The following RNF157 variants were observed in gnomAD, a reference collection of about 807,000 sequenced individuals.
RNF157 encodes the protein E3 ubiquitin ligase RNF157.
A neutral mutation model predicts 88.3 loss-of-function variants in RNF157; 55 were observed. The observed-to-expected ratio is 0.62, with a 90% CI of 0.50 to 0.78. The LOEUF (loss-of-function observed/expected upper bound fraction) is 0.78, where lower values mean the gene tolerates loss of function less well. Among genes scored for constraint, RNF157 ranks in the 30% least tolerant of loss-of-function variants. RNF157 has a pLI of 0.00. For synonymous variants in RNF157, 334 were observed against 341.2 expected, an observed-to-expected ratio of 0.98 and a Z score of 0.23; for missense variants, 788 against 860.8, an observed-to-expected ratio of 0.92 and a Z score of 1.06.
chr17:76,228,182 A>T (rs2070126752), intron 1 of RNF157, among the ~76,000 whole-genome samples: 1 of 151,950 alleles, frequency 6.6e-6, no homozygotes, highest in African/African-American at 2.4e-5. Context: ...TTAGATCTGG[A>T]CTCTTCTATT....
At chr17:76,222,994 C>CGTTCTCCT (rs936847057) in intron 1 of RNF157, among the ~76,000 whole-genome samples, 1 of 151,792 alleles carries the variant, frequency 6.6e-6, no homozygotes, top group African/African-American at 2.4e-5. Context: ...GGGTTCACGC[C>CGTTCTCCT]GTTCTCCTGC....
At chr17:76,184,188 C>CG (rs2069243714) in intron 2 of RNF157, among the ~76,000 whole-genome samples, 2 of 113,214 alleles carry the variant, frequency 1.8e-5, no homozygotes, top group African/African-American at 6.9e-5. Context: ...AAGACTCCAT[C>CG]TAAAAAAAAA....
chr17:76,203,431 C>T (rs1263924564), intron 2 of RNF157, among the ~76,000 whole-genome samples: 1 of 151,582 alleles, frequency 6.6e-6, no homozygotes, highest in East Asian at 1.9e-4. Flanking sequence ...ACCTTTACTG[C>T]CATAGAAGGA....
At chr17:76,145,723 T>G (rs923034137) in intron 18 of RNF157, among the ~76,000 whole-genome samples, 1 of 152,230 alleles carries the variant, frequency 6.6e-6, no homozygotes, top group Non-Finnish European at 1.5e-5. Flanking sequence ...TGGGCCTTGC[T>G]GAGCTATTTT....
At position 76,161,837 on chromosome 17, in the gene RNF157, G is replaced by A; in HGVS notation, c.952+6C>T. 1 of 1,613,640 alleles carries A rather than the reference G, an allele frequency of 6.2e-7. No individual in the cohort carries two copies. The highest frequency in any genetic ancestry group is 8.5e-7 in the Non-Finnish European group (1 of 1,179,660). ...CCACCAGTCCCCCTGCCGCTCTGGG[G>A]CTTACGCAGTCGGCAGATGGGGCAG... On this transcript the variant is annotated splice_donor_region_variant and intron_variant, in intron 10 of 18. Transcript: ENST00000269391. The surrounding 1 kb of genome is among the most constrained non-coding windows in gnomAD (Gnocchi z 4.6).
At chr17:76,226,861 C>T (rs532779583) in intron 1 of RNF157, 40 of 1,369,262 alleles carry the variant, frequency 2.9e-5, no homozygotes, top group Non-Finnish European at 3.9e-5. Flanking sequence ...GTGTCTTTGT[C>T]GGTTACAGCA....
intron 3 of RNF157, among the ~76,000 whole-genome samples, chr17:76,171,377 C>T (rs973482058): frequency 9.3e-5 from 14 of 151,156 alleles, no homozygotes; most frequent in East Asian, 3.9e-4. Flanking sequence ...TTAGTAGAGA[C>T]GGGTTTTTAC....
chr17:76,213,447 G>C (rs2069836047), intron 1 of RNF157, among the ~76,000 whole-genome samples: 1 of 151,892 alleles, frequency 6.6e-6, no homozygotes, highest in African/African-American at 2.4e-5. Context: ...GCATGCGCCT[G>C]AAGTCCCAGG....
Position 76,169,425 on chromosome 17 carries a change from G to C in RNF157, c.297-1628C>G, listed in dbSNP as rs139975835. Among the ~76,000 whole-genome samples, 268 of 151,980 alleles carry C rather than the reference G, an allele frequency of 1.8e-3. 2 individuals carry two copies. Among genetic ancestry groups the C allele is most frequent in the African/African-American group, 6.0e-3 (248 of 41,438 alleles). ...CCTGCATAGCTTTTGTTTCCAATTA[G>C]ATTTTTTTTACTTTATTATTATTTT... On this transcript the variant is annotated intron_variant, in intron 3 of 18. Transcript: ENST00000269391.
intron 18 of RNF157, among the ~76,000 whole-genome samples, chr17:76,151,403 G>A (rs895198540): frequency 2.0e-5 from 3 of 152,222 alleles, no homozygotes; most frequent in Non-Finnish European, 2.9e-5. Context: ...CACAGAGGTC[G>A]TGTGGCTCCA....
rs1159144804 is a variant in RNF157, at chr17:76,162,594, C to A, written c.750G>T (p.Glu250Asp). 1 of 1,613,008 alleles carries A rather than the reference C, an allele frequency of 6.2e-7. No homozygotes were observed. Among genetic ancestry groups the A allele is most frequent in the South Asian group, 1.1e-5 (1 of 90,748 alleles). The change falls in exon 9 of 19, where the codon GAG becomes GAT. Residue 250 changes from glutamate to aspartate, a missense_variant. Physicochemically the swap from Glu to Asp is conservative, Grantham distance 45. Coordinates refer to ENST00000269391, the MANE Select transcript of RNF157 (RefSeq NM_052916.3). The part of the protein sequence containing the change: ...VVDGVSYLLQ[E>D]IYGIENKYNT... ...TGTACTTGTTTTCAATTCCATAGAT[C>A]TCCTGAAGGAGGTAGCTGACCCCGT...
Position 76,159,439 on chromosome 17 carries a change from T to C in RNF157, c.1200A>G (p.Ser400=), listed in dbSNP as rs745613004. The C allele has an allele frequency of 6.8e-6, 11 of 1,613,248 alleles. No homozygotes were observed. The highest frequency in any genetic ancestry group is 6.8e-6 in the Non-Finnish European group (8 of 1,179,760). ...GDGHLSGMLP[S]YGSDGHLPPV... ...GGGGCAGGTGGCCATCACTGCCATA[T>C]GAAGGGAGCATTCCTGAGAGGTGGC... Residue 400 remains serine (S), a synonymous_variant, in exon 12 of 19, where the codon TCA becomes TCG. Coordinates refer to ENST00000269391, the MANE Select transcript of RNF157 (RefSeq NM_052916.3).
intron 1 of RNF157, among the ~76,000 whole-genome samples, chr17:76,237,603 G>A (rs1262245965): frequency 6.6e-6 from 1 of 152,172 alleles, no homozygotes; most frequent in Non-Finnish European, 1.5e-5. Context: ...CCAATTCCTT[G>A]AGAGGTGGAG....
At chr17:76,192,848 T>C (rs1475670637) in intron 2 of RNF157, among the ~76,000 whole-genome samples, 1 of 151,236 alleles carries the variant, frequency 6.6e-6, no homozygotes, top group African/African-American at 2.4e-5. Context: ...TTCCTTTTTT[T>C]TTTTTTTTTT....
intron 1 of RNF157, among the ~76,000 whole-genome samples, chr17:76,232,700 C>T (rs1440845236): frequency 1.3e-5 from 2 of 152,226 alleles, no homozygotes; most frequent in African/African-American, 4.8e-5. Flanking sequence ...TACTATTTTA[C>T]ATTTCCCATA....
intron 2 of RNF157, among the ~76,000 whole-genome samples, chr17:76,205,277 T>C (rs1483660279): frequency 6.6e-6 from 1 of 151,680 alleles, no homozygotes; most frequent in Non-Finnish European, 1.5e-5. Context: ...TAGCTAGGAA[T>C]ATAGGTGTGT....
intron 18 of RNF157, 198 bp from the exon 19 acceptor site, chr17:76,145,551 G>A (rs879498981): frequency 1.5e-5 from 8 of 535,104 alleles, no homozygotes; most frequent in African/African-American, 3.8e-5. Flanking sequence ...GCCTGCTCCT[G>A]CCCCCTGGGC....
At chr17:76,196,735 G>A (rs562224228) in intron 2 of RNF157, among the ~76,000 whole-genome samples, 1 of 152,172 alleles carries the variant, frequency 6.6e-6, no homozygotes, top group African/African-American at 2.4e-5. Flanking sequence ...TCCAAGAACT[G>A]GGAACCAGAG....
intron 3 of RNF157, among the ~76,000 whole-genome samples, chr17:76,173,159 G>A (rs936665720): frequency 1.3e-5 from 2 of 152,000 alleles, no homozygotes; most frequent in African/African-American, 2.4e-5. Flanking sequence ...GGTGGCGGGC[G>A]CCTGTAGTCC....
Sources: gnomAD v4.1 joint callset for allele counts (sites outside exome capture counted in the v4.1 genomes callset) on GRCh38, gnomAD v4.1.1 for gene constraint, Gnocchi (gnomAD v3.1) non-coding constraint, MANE v1.5 for transcripts, NCBI Gene and HGNC (gene_info 2026-07-23, HGNC 2026-07-21) for gene names.